Variants in PSG11 observed in about 807,000 individuals in gnomAD.
PSG11 encodes the protein pregnancy-specific beta-1-glycoprotein 11.
PSG11 carries 42 observed loss-of-function variants against 36.0 expected under a neutral mutation model. The ratio of observed to expected loss-of-function variants is 1.17; its 90% CI spans 0.91 to 1.51. The LOEUF (loss-of-function observed/expected upper bound fraction) is 1.51, where lower values mean the gene tolerates loss of function less well. PSG11 is among the 40% of genes most tolerant of loss of function. The pLI, the probability that PSG11 is intolerant of heterozygous loss-of-function variation, is 0.00. For synonymous variants in PSG11, 206 were observed against 153.5 expected (o/e 1.34, Z -2.53); for missense variants, 558 against 403.5 (o/e 1.38, Z -3.28).
At chr19:43,019,186 A>G (rs1307616892) in intron 2 of PSG11, 138 bp from the exon 3 acceptor site, 21 of 1,487,536 alleles carry the variant, frequency 1.4e-5, no homozygotes, top group Non-Finnish European at 1.8e-5. Flanking sequence ...TGTGTGTTAC[A>G]ACACAGATGC....
At chr19:43,025,216 G>C in intron 1 of PSG11, 160 bp from the exon 2 acceptor site, 3 of 1,274,494 alleles carry the variant, frequency 2.4e-6, no homozygotes, top group Non-Finnish European at 2.2e-6. Flanking sequence ...AAAGGGGCAT[G>C]TGTGTTTGTG....
intron 2 of PSG11, among the ~76,000 whole-genome samples, chr19:43,021,917 C>G (rs2069107548): frequency 1.3e-5 from 2 of 151,404 alleles, no homozygotes; most frequent in African/African-American, 2.4e-5. Context: ...ACAGTGACAG[C>G]AAACTAGCAT....
At chr19:43,020,053 A>G (rs1463924908) in intron 2 of PSG11, among the ~76,000 whole-genome samples, 1 of 151,278 alleles carries the variant, frequency 6.6e-6, no homozygotes, top group Non-Finnish European at 1.5e-5. Context: ...TGGATTCCAG[A>G]GTGAATCAGA....
intron 2 of PSG11, among the ~76,000 whole-genome samples, chr19:43,021,445 G>C (rs780258541): frequency 6.6e-6 from 1 of 151,158 alleles, no homozygotes; most frequent in East Asian, 1.9e-4. Flanking sequence ...TCCACCTCCC[G>C]GGTTCACACC....
At chr19:43,013,537 T>C (rs923133971) in intron 4 of PSG11, among the ~76,000 whole-genome samples, 4 of 151,250 alleles carry the variant, frequency 2.6e-5, no homozygotes, top group East Asian at 1.9e-4. Flanking sequence ...CTTAGAGATA[T>C]ACAAATCAAA....
chr19:43,012,126 A>G (rs1032992359), intron 4 of PSG11, among the ~76,000 whole-genome samples: 2 of 151,348 alleles, frequency 1.3e-5, no homozygotes, highest in African/African-American at 4.9e-5. Flanking sequence ...TAAGAAAAAC[A>G]TTCTAAGAAT....
chr19:43,020,025 C>G (rs1307847420), intron 2 of PSG11, among the ~76,000 whole-genome samples: 1 of 151,220 alleles, frequency 6.6e-6, no homozygotes, highest in South Asian at 2.1e-4. Context: ...TTTGACTACT[C>G]TATGTACCTG....
intron 2 of PSG11, among the ~76,000 whole-genome samples, chr19:43,019,887 A>G (rs1386062821): frequency 4.0e-5 from 6 of 151,540 alleles, no homozygotes; most frequent in Non-Finnish European, 7.4e-5. Context: ...TGGAAAGGGC[A>G]AACATGAACT....
chr19:43,009,590 A>C (rs1409056514), intron 5 of PSG11, among the ~76,000 whole-genome samples: 1 of 151,528 alleles, frequency 6.6e-6, no homozygotes, highest in East Asian at 1.9e-4. Context: ...GGAACATTTC[A>C]AAGTCTGGAG....
At chr19:43,024,485 G>A in intron 2 of PSG11, 1 of 782,452 alleles carries the variant, frequency 1.3e-6, no homozygotes, top group Non-Finnish European at 2.1e-6. Flanking sequence ...TGCAGCGAGT[G>A]TCTGCAGGGT....
At chr19:43,022,595 TA>T (rs1328081431) in intron 2 of PSG11, among the ~76,000 whole-genome samples, 1 of 151,388 alleles carries the variant, frequency 6.6e-6, no homozygotes, top group Admixed American at 6.6e-5. Flanking sequence ...ACCATTTCAA[TA>T]AATTTGTGTG....
intron 3 of PSG11, chr19:43,015,639 A>T (rs1204692165): frequency 6.7e-7 from 1 of 1,499,870 alleles, no homozygotes; most frequent in Non-Finnish European, 8.9e-7. Flanking sequence ...CAGGGCAGGG[A>T]GTCATGGCCA....
chr19:43,010,279 A>T, intron 4 of PSG11: 1 of 1,466,388 alleles, frequency 6.8e-7, no homozygotes, highest in Non-Finnish European at 9.0e-7. Context: ...GGTATTTTGG[A>T]AGGCTTTCAG....
intron 3 of PSG11, chr19:43,018,409 A>G (rs1967018751): frequency 2.4e-6 from 1 of 412,188 alleles, no homozygotes; most frequent in South Asian, 2.7e-5. Flanking sequence ...ACATTGTCAG[A>G]GGGAAGGGAA....
At position 43,022,894 on chromosome 19, in the gene PSG11, C is replaced by A. The variant is rs1394635412; in HGVS notation, c.430+1797G>T. Among the ~76,000 whole-genome samples the A allele has an allele frequency of 4.0e-5, 6 of 150,458 alleles. No individual in the cohort carries two copies. In the East Asian group the frequency reaches 1.2e-3, roughly 30 times the overall value. On this transcript the variant is annotated intron_variant, in intron 2 of 5. Transcript: ENST00000320078. ...AGCGGGAAGGGAATAGAACAGCCAG[C>A]CTAGTTAGAGGGAGTGTCTGGGGAA...
Position 43,010,052 on chromosome 19 carries a change from A to T in PSG11, c.965-11T>A. 6.2e-7 allele frequency: 1 copy of T among 1,606,186 alleles called. No individual in the cohort carries two copies. Among genetic ancestry groups the T allele is most frequent in the Non-Finnish European group, 8.5e-7 (1 of 1,174,230 alleles). On this transcript the variant is annotated splice_polypyrimidine_tract_variant and intron_variant, in intron 4 of 5. Coordinates refer to ENST00000320078, the MANE Select transcript of PSG11 (RefSeq NM_002785.3). ...CTAATCCTGGAGGAGCTGTCATGGA[A>T]AGAAAAGAAAAGAAGGAATGAAGGT...
chr19:43,012,973 C>T (rs566487711), intron 4 of PSG11, among the ~76,000 whole-genome samples: 3 of 151,462 alleles, frequency 2.0e-5, no homozygotes, highest in Admixed American at 6.6e-5. Context: ...GAAAGAAATG[C>T]TTGCATATAT....
chr19:43,025,934 CTCTTTTTTTTTTTTTTTTTTTTTTT>C (rs1967241218), intron 1 of PSG11, among the ~76,000 whole-genome samples: 2 of 61,502 alleles, frequency 3.3e-5, no homozygotes, highest in South Asian at 1.4e-3. Flanking sequence ...TTTTTTTTTT[CTCTTTTTTTTTTTTTTTTTTTTTTT>C]GAGATGGAGT....
In PSG11 at chr19:43,014,260, T is replaced by A. The variant is rs116599039; in HGVS notation, c.964+856A>T. On this transcript the variant is annotated intron_variant, in intron 4 of 5. Coordinates refer to ENST00000320078, the MANE Select transcript of PSG11 (RefSeq NM_002785.3). ...TGGTAAGCCTTATATTAGATATATA[T>A]AGTGTCTGGTAGTCTTACCCTCTCT... 5,380 of 766,382 alleles carry A rather than the reference T, an allele frequency of 7.0e-3. 398 individuals carry two copies. In the African/African-American group the frequency reaches 0.098, roughly 14 times the overall value. 47.5% of individuals were successfully genotyped at this position (766,382 alleles called of 1,614,324 possible).
Sources: allele counts gnomAD v4.1 joint callset (sites outside exome capture counted in the v4.1 genomes callset), GRCh38; gene constraint gnomAD v4.1.1; transcripts MANE v1.5; gene names NCBI Gene and HGNC (gene_info 2026-07-23, HGNC 2026-07-21).